Variants in MYO1H observed in about 807,000 individuals in gnomAD.
The protein encoded by MYO1H is unconventional myosin-Ih.
MYO1H carries 118 observed loss-of-function variants against 149.3 expected under a neutral mutation model. The observed-to-expected ratio is 0.79, with a 90% confidence interval of 0.68 to 0.92. The LOEUF (loss-of-function observed/expected upper bound fraction) is 0.92. Ranked by LOEUF, MYO1H falls within the 40% of genes least tolerant of loss-of-function variation. The probability of loss-of-function intolerance (pLI) is 0.00; values close to 1 mark genes in which losing one functional copy is unlikely to be tolerated. For synonymous variants in MYO1H, 447 were observed against 465.2 expected, an observed-to-expected ratio of 0.96 and a Z score of 0.50; for missense variants, 1,212 against 1,280.7, an observed-to-expected ratio of 0.95 and a Z score of 0.82.
At chr12:109,386,044 A>T (rs551657973) in intron 1 of MYO1H, among the ~76,000 whole-genome samples, 3 of 152,302 alleles carry the variant, frequency 2.0e-5, no homozygotes, top group South Asian at 2.1e-4. Flanking sequence ...ACTAGGCAAC[A>T]ATTGTTCTGA....
chr12:109,348,110 T>A (rs1220606861), intron 1 of MYO1H, 138 bp downstream of exon 1: 1 of 397,898 alleles, frequency 2.5e-6, no homozygotes, highest in African/African-American at 2.1e-5. Flanking sequence ...TCTGAATTTA[T>A]TTGATGAAAA....
Position 109,427,511 on chromosome 12 carries a change from T to G in MYO1H, c.1874T>G (p.Leu625Arg), listed in dbSNP as rs1871402296. 1.9e-6 allele frequency: 3 copies of G among 1,612,618 alleles called. No homozygotes were observed. The African/African-American group carries it at 4.0e-5, about 22-fold the overall frequency. ...CTCATAAGGCATCAGATCAAATACC[T>G]GGGGCTGATGGAGCACCTGCGGGTG... The change falls in exon 19 of 32, where the codon CTG becomes CGG. Residue 625 changes from leucine to arginine, a missense_variant. Coordinates refer to ENST00000310903, the Ensembl canonical transcript of MYO1H.
At chr12:109,328,346 C>T in the MYO1H span, among the ~76,000 whole-genome samples, 9 of 151,998 alleles carry the variant, frequency 5.9e-5, no homozygotes, top group African/African-American at 2.2e-4. Context: ...GAGATGCTAT[C>T]AGTACTCCTT....
intron 22 of MYO1H, among the ~76,000 whole-genome samples, chr12:109,438,201 A>G (rs1322336421): frequency 6.6e-6 from 1 of 152,010 alleles, no homozygotes; most frequent in Admixed American, 6.6e-5. Context: ...AACCCCAGTG[A>G]GACTAAACAT....
At chr12:109,446,228 C>T (rs1307577036) in intron 31 of MYO1H, 15 of 985,330 alleles carry the variant, frequency 1.5e-5, no homozygotes, top group Non-Finnish European at 1.8e-5. Context: ...CACACAAGTA[C>T]GCTGCCTTCC....
intron 5 of MYO1H, among the ~76,000 whole-genome samples, chr12:109,398,427 A>G (rs934563518): frequency 2.5e-4 from 38 of 152,228 alleles, no homozygotes; most frequent in African/African-American, 9.2e-4. Context: ...CCAGCATGAT[A>G]TCATTTTTTC....
the MYO1H span, among the ~76,000 whole-genome samples, chr12:109,327,122 C>CTTTTTTT: frequency 6.7e-3 from 741 of 111,194 alleles, 62 homozygotes; most frequent in African/African-American, 0.013. Flanking sequence ...TTTTCTTTTT[C>CTTTTTTT]TTTTTCTTTT....
At chr12:109,361,411 C>A (rs1258930180) in intron 1 of MYO1H, among the ~76,000 whole-genome samples, 1 of 151,986 alleles carries the variant, frequency 6.6e-6, no homozygotes, top group Non-Finnish European at 1.5e-5. Context: ...ACTTACCCCC[C>A]AAAAAAACTT....
intron 1 of MYO1H, among the ~76,000 whole-genome samples, chr12:109,355,527 A>G (rs1247802979): frequency 1.3e-5 from 2 of 152,054 alleles, no homozygotes; most frequent in African/African-American, 4.8e-5. Context: ...GAAATTATCT[A>G]CGATACCTGT....
At chr12:109,364,807 C>A (rs545661476) in intron 1 of MYO1H, among the ~76,000 whole-genome samples, 1 of 151,980 alleles carries the variant, frequency 6.6e-6, no homozygotes, top group African/African-American at 2.4e-5. Flanking sequence ...AAGGGATAAT[C>A]AAAATTTACA....
intron 15 of MYO1H, among the ~76,000 whole-genome samples, chr12:109,417,697 T>C (rs913289320): frequency 6.6e-6 from 1 of 152,206 alleles, no homozygotes; most frequent in African/African-American, 2.4e-5. Flanking sequence ...GATTTGCATT[T>C]CTCTAATGAC....
chr12:109,326,852 G>C, the MYO1H span, among the ~76,000 whole-genome samples: 2 of 152,044 alleles, frequency 1.3e-5, no homozygotes, highest in Admixed American at 6.6e-5. Context: ...AATGGGCAAG[G>C]TTTAGAAGAG....
Position 109,446,943 on chromosome 12 carries a change from G to A in MYO1H, c.3094-216G>A, listed in dbSNP as rs142773507. On this transcript the variant is annotated intron_variant, in intron 31 of 31. Coordinates refer to ENST00000310903, the Ensembl canonical transcript of MYO1H. ...TGTCTCTCTCCTCTGGAGTCACACG[G>A]AGTCCATCTTCCTCCCTGACTGGTT... 9.1e-3 allele frequency: 5,610 copies of A among 615,286 alleles called. 50 individuals carry two copies. The highest frequency in any genetic ancestry group is 0.013 in the Non-Finnish European group (4,319 of 340,016). 38.1% of individuals were successfully genotyped at this position (615,286 alleles called of 1,614,324 possible). A position where few individuals can be genotyped will look rare whatever the true frequency, so the allele number is the denominator to read the frequency against.
the MYO1H span, among the ~76,000 whole-genome samples, chr12:109,338,784 A>C: frequency 1.3e-5 from 2 of 151,612 alleles, no homozygotes; most frequent in Non-Finnish European, 2.9e-5. Flanking sequence ...AAAAAAAAAA[A>C]AAAAAATCAT....
In MYO1H at chr12:109,406,467, T is replaced by TAAAA. The variant is rs56744077; in HGVS notation, c.964-292_964-289dup. On this transcript the variant is annotated intron_variant, in intron 8 of 31. Transcript: ENST00000310903. ...GGCAACATAGTGAGACCCTATCTCT[T>TAAAA]AAAAAAAAAAAAAAAAAAAAAAAAA... Among the ~76,000 whole-genome samples the TAAAA allele has an allele frequency of 6.9e-5, 3 of 43,602 alleles. No homozygotes were observed. In the Admixed American group the frequency reaches 9.7e-4, roughly 14 times the overall value. 28.6% of individuals were successfully genotyped at this position (43,602 alleles called of 152,430 possible).
the MYO1H span, among the ~76,000 whole-genome samples, chr12:109,311,757 T>G: frequency 6.6e-6 from 1 of 152,180 alleles, no homozygotes; most frequent in Non-Finnish European, 1.5e-5. Flanking sequence ...ATCCCAGGCC[T>G]TATATTGGTC....
intron 1 of MYO1H, among the ~76,000 whole-genome samples, chr12:109,375,000 G>A (rs965441315): frequency 1.1e-4 from 16 of 151,684 alleles, no homozygotes; most frequent in African/African-American, 3.6e-4. Flanking sequence ...GATTACACGT[G>A]CCTGCCACTG....
intron 25 of MYO1H, 81 bp downstream of exon 25, chr12:109,440,908 C>A: frequency 9.8e-7 from 1 of 1,015,380 alleles, no homozygotes; most frequent in South Asian, 1.4e-5. Flanking sequence ...CCTCATCCAC[C>A]ATTTCACCTA....
At chr12:109,375,156 ATT>A (rs71079553) in intron 1 of MYO1H, among the ~76,000 whole-genome samples, 21 of 124,250 alleles carry the variant, frequency 1.7e-4, no homozygotes, top group Admixed American at 1.7e-4. Flanking sequence ...TGCCCGGCGG[ATT>A]TTTTTTTTTT....
Sources: allele counts gnomAD v4.1 joint callset (sites outside exome capture counted in the v4.1 genomes callset), GRCh38; gene constraint gnomAD v4.1.1; transcripts MANE v1.5; gene names NCBI Gene and HGNC (gene_info 2026-07-23, HGNC 2026-07-21).